SEMA5A: variants seen among roughly 807,000 people sequenced by gnomAD.
SEMA5A encodes the protein semaphorin-5A.
SEMA5A carries 55 observed loss-of-function variants against 135.5 expected under a neutral mutation model. The ratio of observed to expected loss-of-function variants is 0.41; its 90% CI spans 0.33 to 0.51. SEMA5A has a LOEUF of 0.51. Ranked by LOEUF, SEMA5A falls within the 20% of genes least tolerant of loss-of-function variation. The pLI, the probability that SEMA5A is intolerant of heterozygous loss-of-function variation, is 0.37. For synonymous variants in SEMA5A, 580 were observed against 546.5 expected (o/e 1.06, Z -0.85); for missense variants, 1,290 against 1,419.9 (o/e 0.91, Z 1.47).
At chr5:9,044,630 C>T (rs2150027658) in intron 21 of SEMA5A, 46 bp from the exon 22 acceptor site, 4 of 1,506,104 alleles carry the variant, frequency 2.7e-6, no homozygotes, top group Non-Finnish European at 3.7e-6. Flanking sequence ...AAAGAACATC[C>T]TGCCTAGCTA....
At chr5:9,240,133 C>G (rs929384700) in intron 5 of SEMA5A, among the ~76,000 whole-genome samples, 1 of 151,952 alleles carries the variant, frequency 6.6e-6, no homozygotes, top group African/African-American at 2.4e-5. Flanking sequence ...AGCAACTGCT[C>G]TTACAAGTTT....
chr5:9,089,444 C>T (rs1738912099), intron 16 of SEMA5A, among the ~76,000 whole-genome samples: 1 of 151,982 alleles, frequency 6.6e-6, no homozygotes, highest in South Asian at 2.1e-4. Flanking sequence ...CCCCCACCAA[C>T]TCCCCCCATA....
At chr5:9,162,608 T>C (rs988284891) in intron 11 of SEMA5A, among the ~76,000 whole-genome samples, 1 of 124,988 alleles carries the variant, frequency 8.0e-6, no homozygotes, top group Non-Finnish European at 1.6e-5. Flanking sequence ...ACAAACCATC[T>C]TTTCTTCCTT....
Position 9,119,035 on chromosome 5 carries a change from C to G in SEMA5A, c.1888G>C (p.Gly630Arg). 1 of 1,613,598 alleles carries G rather than the reference C, an allele frequency of 6.2e-7. No homozygotes were observed. Among genetic ancestry groups the G allele is most frequent in the Non-Finnish European group, 8.5e-7 (1 of 1,179,884 alleles). ...TTCTGTCCCACGCACACCCGGCCCC[C>G]GTGCCTGGGAGTGGGGTTGCTGCAG... ...RSCSNPTPRHGGRVCVGQNRE... is the reference protein window; with the variant it reads ...RSCSNPTPRHRGRVCVGQNRE... Residue 630 changes from glycine to arginine, a missense_variant, in exon 15 of 23, where the codon GGG becomes CGG. By Grantham distance (125) the Gly-to-Arg change is moderately radical. Around this residue, in one of 3 missense-constraint regions of SEMA5A, gnomAD observed 1,029 missense variants for 1,086.6 expected, o/e 0.95. Transcript: ENST00000382496.
At chr5:9,271,634 A>G (rs1561093152) in intron 5 of SEMA5A, among the ~76,000 whole-genome samples, 1 of 152,184 alleles carries the variant, frequency 6.6e-6, no homozygotes, top group Non-Finnish European at 1.5e-5. Flanking sequence ...AGCAAGATCA[A>G]TGCAGAAGGT....
chr5:9,351,256 T>A (rs1051753490), intron 3 of SEMA5A, among the ~76,000 whole-genome samples: 1 of 152,082 alleles, frequency 6.6e-6, no homozygotes, highest in African/African-American at 2.4e-5. Context: ...GGCTAGAAAC[T>A]AGACAAATGC....
At chr5:9,311,325 C>A (rs1230931729) in intron 5 of SEMA5A, among the ~76,000 whole-genome samples, 1 of 151,974 alleles carries the variant, frequency 6.6e-6, no homozygotes, top group Non-Finnish European at 1.5e-5. Flanking sequence ...TAAAAATTGA[C>A]TCACGTTGAA....
intron 1 of SEMA5A, among the ~76,000 whole-genome samples, chr5:9,456,107 T>A (rs1309124491): frequency 6.6e-6 from 1 of 152,228 alleles, no homozygotes; most frequent in Non-Finnish European, 1.5e-5. Context: ...CTACAGGACT[T>A]AGATTGGGGC....
chr5:9,351,508 A>G (rs1754116094), intron 3 of SEMA5A, among the ~76,000 whole-genome samples: 1 of 151,900 alleles, frequency 6.6e-6, no homozygotes, highest in Non-Finnish European at 1.5e-5. Flanking sequence ...TTATTGCCTT[A>G]TGTATTCTTA....
At chr5:9,404,273 T>C (rs1286760308) in intron 2 of SEMA5A, among the ~76,000 whole-genome samples, 1 of 152,046 alleles carries the variant, frequency 6.6e-6, no homozygotes, top group Non-Finnish European at 1.5e-5. Context: ...GATTTCTCTG[T>C]TCATTTTCCC....
intron 18 of SEMA5A, among the ~76,000 whole-genome samples, chr5:9,061,028 T>C (rs1737153113): frequency 6.6e-6 from 1 of 151,862 alleles, no homozygotes; most frequent in Non-Finnish European, 1.5e-5. Flanking sequence ...GAGACCCAGC[T>C]TAAGGGCAGC....
At position 9,162,754 on chromosome 5, in the gene SEMA5A, A is replaced by C. The variant is rs541373277; in HGVS notation, c.1274-8059T>G. Reference sequence around the variant, plus strand: ...TTATATTTTCCAAGTTAACCTTTCAAACAGTCAAAGATATGATGGATGTTA... The same window carrying C: ...TTATATTTTCCAAGTTAACCTTTCACACAGTCAAAGATATGATGGATGTTA... On this transcript the variant is annotated intron_variant, in intron 11 of 22. Coordinates refer to ENST00000382496, the MANE Select transcript of SEMA5A (RefSeq NM_003966.3). Among the ~76,000 whole-genome samples the C allele has an allele frequency of 3.6e-4, 54 of 151,858 alleles. 1 individual carries two copies. The highest frequency in any genetic ancestry group is 1.3e-3 in the African/African-American group (52 of 41,374).
At chr5:9,473,315 A>T (rs992739387) in intron 1 of SEMA5A, among the ~76,000 whole-genome samples, 32 of 143,078 alleles carry the variant, frequency 2.2e-4, no homozygotes, top group Admixed American at 1.8e-3. Flanking sequence ...TCTACTTGTA[A>T]CAATTTTACT....
intron 4 of SEMA5A, among the ~76,000 whole-genome samples, chr5:9,329,063 T>C (rs1306290744): frequency 6.6e-6 from 1 of 152,196 alleles, no homozygotes; most frequent in Non-Finnish European, 1.5e-5. Flanking sequence ...CCCATGTGAC[T>C]CTCTGTCTTC....
chr5:9,136,452 G>A (rs527997467), intron 13 of SEMA5A, 52 bp downstream of exon 13: 1 of 1,459,976 alleles, frequency 6.8e-7, no homozygotes, highest in Non-Finnish European at 9.6e-7. Flanking sequence ...CGCCAGGGGA[G>A]CATGGCTCCC....
At chr5:9,236,575 TTTAGA>T (rs1747924106) in intron 6 of SEMA5A, among the ~76,000 whole-genome samples, 2 of 152,216 alleles carry the variant, frequency 1.3e-5, no homozygotes, top group Admixed American at 1.3e-4. Flanking sequence ...ATGTGTGGGC[TTTAGA>T]TTATTTATTT....
chr5:9,497,698 C>T (rs1020575387), intron 1 of SEMA5A, among the ~76,000 whole-genome samples: 1 of 152,172 alleles, frequency 6.6e-6, no homozygotes, highest in Admixed American at 6.5e-5. Flanking sequence ...GAAAAAGAGA[C>T]ACAGGGATGT....
rs116687830 is a variant in SEMA5A, at chr5:9,449,384, A to G, written c.-174-11532T>C. 5.0e-3 allele frequency among the ~76,000 whole-genome samples: 767 copies of G among 152,174 alleles called. 9 individuals are homozygous for G. Among genetic ancestry groups the G allele is most frequent in the African/African-American group, 0.017 (691 of 41,512 alleles). On this transcript the variant is annotated intron_variant, in intron 1 of 22. Transcript: ENST00000382496. ...CTGAACAATGAGAATGCATGGATATATGGGGGGGAACAACATACCTTGGGA... is the reference window on the plus strand; with the variant it reads ...CTGAACAATGAGAATGCATGGATATGTGGGGGGGAACAACATACCTTGGGA...
rs190084883 is a variant in SEMA5A at position 9,379,953 on chromosome 5, C to G, written c.-7G>C. ...TAACACAGGTTCCCTTCATGGTGGGCAAGGGGCCTCTGACTCTGGGCACGT... is the reference window on the plus strand; with the variant it reads ...TAACACAGGTTCCCTTCATGGTGGGGAAGGGGCCTCTGACTCTGGGCACGT... On this transcript the variant is annotated 5_prime_UTR_variant, in exon 3 of 23. Transcript: ENST00000382496. 3 of 1,607,330 alleles carry G rather than the reference C, an allele frequency of 1.9e-6. No individual in the cohort carries two copies. In the African/African-American group the frequency reaches 4.0e-5, roughly 22 times the overall value.
Sources: allele counts gnomAD v4.1 joint callset (sites outside exome capture counted in the v4.1 genomes callset), GRCh38; gene constraint gnomAD v4.1.1; regional missense constraint gnomAD v4.1.1; transcripts MANE v1.5; gene names NCBI Gene and HGNC (gene_info 2026-07-23, HGNC 2026-07-21).